FARS2: variants seen among roughly 807,000 people sequenced by gnomAD.
FARS2 encodes phenylalanine--tRNA ligase, mitochondrial.
FARS2 carries 40 observed loss-of-function variants against 46.4 expected under a neutral mutation model. The ratio of observed to expected loss-of-function variants is 0.86; its 90% CI spans 0.67 to 1.12. The LOEUF (loss-of-function observed/expected upper bound fraction) is 1.12, where lower values mean the gene tolerates loss of function less well. FARS2 is among the 50% of genes most tolerant of loss of function. The pLI, the probability that FARS2 is intolerant of heterozygous loss-of-function variation, is 0.00. For synonymous variants in FARS2, 234 were observed against 214.9 expected (o/e 1.09, Z -0.78); for missense variants, 513 against 567.9 (o/e 0.90, Z 0.98).
intron 6 of FARS2, among the ~76,000 whole-genome samples, chr6:5,678,914 C>T (rs757586507): frequency 6.6e-6 from 1 of 152,202 alleles, no homozygotes; most frequent in Non-Finnish European, 1.5e-5. Flanking sequence ...TGCGGAAATA[C>T]CTGCTGTGTG....
chr6:5,565,883 A>G (rs1582462449), intron 5 of FARS2, among the ~76,000 whole-genome samples: 1 of 152,202 alleles, frequency 6.6e-6, no homozygotes, highest in South Asian at 2.1e-4. Context: ...TTACTGTGAC[A>G]TGAAAATTTT....
intron 2 of FARS2, among the ~76,000 whole-genome samples, chr6:5,393,588 C>T (rs543936388): frequency 3.9e-5 from 6 of 152,066 alleles, no homozygotes; most frequent in South Asian, 4.2e-4. Flanking sequence ...AACCCGGAGG[C>T]GGAGGTTGCA....
rs771267489 is a variant in FARS2 at position 5,404,721 on chromosome 6, T to C, written c.772+20T>C. 5 of 1,527,678 alleles carry C rather than the reference T, an allele frequency of 3.3e-6. No homozygotes were observed. Among genetic ancestry groups the C allele is most frequent in the South Asian group, 1.3e-5 (1 of 76,982 alleles). The allele number at this position is 1,527,678 out of a possible 1,614,324, so 94.6% of individuals were successfully genotyped here. A position where few individuals can be genotyped will look rare whatever the true frequency, so the allele number is the denominator to read the frequency against. Reference sequence around the variant, plus strand: ...GAGATGGTAAGTGCTCAAACACAGGTTGACGATCTCTTATCTGAAATACTT... The same window carrying C: ...GAGATGGTAAGTGCTCAAACACAGGCTGACGATCTCTTATCTGAAATACTT... On this transcript the variant is annotated intron_variant, in intron 3 of 6. Transcript: ENST00000274680.
chr6:5,545,728 TGTTA>T (rs1344224361), intron 5 of FARS2, among the ~76,000 whole-genome samples: 2 of 152,218 alleles, frequency 1.3e-5, no homozygotes, highest in African/African-American at 4.8e-5. Context: ...TCTGTTTCTC[TGTTA>T]GTTTGCTGAG....
chr6:5,594,679 T>C (rs1449223916), intron 5 of FARS2, among the ~76,000 whole-genome samples: 1 of 152,156 alleles, frequency 6.6e-6, no homozygotes, highest in Non-Finnish European at 1.5e-5. Flanking sequence ...TGGAGGGTCC[T>C]TCAGAGCTAA....
chr6:5,710,317 G>A (rs1759062792), intron 6 of FARS2, among the ~76,000 whole-genome samples: 1 of 152,200 alleles, frequency 6.6e-6, no homozygotes, highest in Non-Finnish European at 1.5e-5. Flanking sequence ...AGCATCCCAG[G>A]AAAGTCAGTC....
intron 6 of FARS2, among the ~76,000 whole-genome samples, chr6:5,767,064 A>G (rs942162960): frequency 1.3e-5 from 2 of 150,554 alleles, no homozygotes; most frequent in African/African-American, 4.9e-5. Flanking sequence ...TCCAAAAAAA[A>G]TTTTTTTTTC....
chr6:5,443,068 G>A (rs1319544115), intron 4 of FARS2, among the ~76,000 whole-genome samples: 2 of 152,248 alleles, frequency 1.3e-5, no homozygotes, highest in African/African-American at 2.4e-5. Flanking sequence ...GGTCTTGTAT[G>A]CTTGCCAGAT....
intron 3 of FARS2, among the ~76,000 whole-genome samples, chr6:5,417,831 C>T (rs975419281): frequency 1.1e-4 from 16 of 152,282 alleles, no homozygotes; most frequent in African/African-American, 3.8e-4. Context: ...TGTTACTCTC[C>T]TCCTTTAGGT....
intron 4 of FARS2, among the ~76,000 whole-genome samples, chr6:5,493,966 T>C (rs1767289701): frequency 6.6e-6 from 1 of 152,200 alleles, no homozygotes; most frequent in Non-Finnish European, 1.5e-5. Context: ...CAGTGGACAG[T>C]GTCATGTGAT....
At chr6:5,365,317 CTTTTTTTT>C (rs61097603) in intron 1 of FARS2, among the ~76,000 whole-genome samples, 11 of 42,494 alleles carry the variant, frequency 2.6e-4, no homozygotes, top group Non-Finnish European at 3.3e-4. Context: ...AGTATACTTT[CTTTTTTTT>C]TTTTTTTTTT....
At chr6:5,578,814 A>C (rs1283312886) in intron 5 of FARS2, among the ~76,000 whole-genome samples, 1 of 54,106 alleles carries the variant, frequency 1.8e-5, no homozygotes, top group Admixed American at 1.9e-4. Flanking sequence ...GTCTCAAAAA[A>C]AAAAAAAAAA....
chr6:5,508,585 C>T (rs1561672399), intron 4 of FARS2, among the ~76,000 whole-genome samples: 1 of 152,210 alleles, frequency 6.6e-6, no homozygotes, highest in Non-Finnish European at 1.5e-5. Context: ...TGGAGGAAAG[C>T]ATGGGTGTAC....
intron 1 of FARS2, among the ~76,000 whole-genome samples, chr6:5,322,719 C>T (rs544507984): frequency 1.3e-5 from 2 of 152,110 alleles, no homozygotes; most frequent in Non-Finnish European, 2.9e-5. Context: ...GACCTTTGGG[C>T]GCTAATTCCC....
chr6:5,409,944 C>T lies in FARS2; in HGVS notation c.772+5243C>T, dbSNP rs543285530. On this transcript the variant is annotated intron_variant, in intron 3 of 6. Coordinates refer to ENST00000274680, the MANE Select transcript of FARS2 (RefSeq NM_006567.5). ...CGTGTTTGTGACGTCCGCTGTATTGCCTCTCAGGGGAGATGTGAAGTGAAG... is the reference window on the plus strand; with the variant it reads ...CGTGTTTGTGACGTCCGCTGTATTGTCTCTCAGGGGAGATGTGAAGTGAAG... 1.7e-4 allele frequency among the ~76,000 whole-genome samples: 26 copies of T among 152,236 alleles called. No individual in the cohort carries two copies. In the East Asian group the frequency reaches 4.1e-3, roughly 24 times the overall value.
chr6:5,627,849 C>T (rs1776110338), intron 6 of FARS2, among the ~76,000 whole-genome samples: 1 of 152,144 alleles, frequency 6.6e-6, no homozygotes, highest in Non-Finnish European at 1.5e-5. Flanking sequence ...CAGTGTTTTC[C>T]AGCTAGGTGA....
chr6:5,551,474 G>A (rs900876883), intron 5 of FARS2, among the ~76,000 whole-genome samples: 9 of 152,058 alleles, frequency 5.9e-5, no homozygotes, highest in Admixed American at 1.3e-4. Flanking sequence ...TTAATATCAT[G>A]GTGCTCCAAG....
At chr6:5,466,638 C>T (rs1383809372) in intron 4 of FARS2, 2 of 985,290 alleles carry the variant, frequency 2.0e-6, no homozygotes, top group African/African-American at 3.5e-5. Context: ...CCACTGAGAG[C>T]TCATTCTCAG....
At chr6:5,421,964 G>A (rs9392681) in intron 3 of FARS2, among the ~76,000 whole-genome samples, 73,482 of 152,018 alleles carry the variant, frequency 0.48, 17,995 homozygotes, top group Non-Finnish European at 0.52. Context: ...TTTCAGCAGC[G>A]CCCCACTCTG....
Sources: allele counts gnomAD v4.1 joint callset (sites outside exome capture counted in the v4.1 genomes callset), GRCh38; gene constraint gnomAD v4.1.1; transcripts MANE v1.5; gene names NCBI Gene and HGNC (gene_info 2026-07-23, HGNC 2026-07-21).